EVPL: variants seen among roughly 807,000 people sequenced by gnomAD.
EVPL encodes the protein 210 kDa cornified envelope precursor protein.
Under a neutral mutation model 129.7 loss-of-function variants are expected in EVPL, and 94 were observed. The ratio of observed to expected loss-of-function variants is 0.72; its 90% CI spans 0.61 to 0.86. EVPL has a LOEUF of 0.86. Among genes scored for constraint, EVPL ranks in the 40% least tolerant of loss-of-function variants. The pLI is 0.00. For synonymous variants in EVPL, 1,172 were observed against 1,191.1 expected, an observed-to-expected ratio of 0.98 and a Z score of 0.33; for missense variants, 2,625 against 2,721.1, an observed-to-expected ratio of 0.96 and a Z score of 0.79.
chr17:76,011,366 G>A (rs1040541799), intron 21 of EVPL, among the ~76,000 whole-genome samples: 5 of 152,344 alleles, frequency 3.3e-5, no homozygotes, highest in African/African-American at 1.2e-4. Context: ...ACCCTGGGAT[G>A]GACACCAGCC....
In EVPL at chr17:76,009,308, G is replaced by A. The variant is rs1598230972; in HGVS notation, c.3897C>T (p.Asp1299=). The part of the protein sequence containing the change: ...EQLIRLQGER[D]EWRRERAKVE... ...CCTTGGCCCGCTCGCGCCTCCACTC[G>A]TCGCGCTCACCCTGCAGGCGGATGA... is the stretch of plus-strand genomic sequence containing the variant. The change falls in exon 22 of 22, where the codon GAC becomes GAT. Residue 1299 remains aspartate (D), a synonymous_variant. Coordinates refer to ENST00000301607, the MANE Select transcript of EVPL (RefSeq NM_001988.4). This position sits in a 1 kb window ranked among gnomAD's most constrained non-coding sequence, Gnocchi z 5.9. The A allele has an allele frequency of 4.3e-6, 7 of 1,609,574 alleles. No individual in the cohort carries two copies. In the East Asian group the frequency reaches 8.9e-5, roughly 21 times the overall value.
Position 76,008,273 on chromosome 17 carries a change from G to C in EVPL, c.4932C>G (p.Ala1644=). The C allele has an allele frequency of 6.2e-7, 1 of 1,612,324 alleles. No individual in the cohort carries two copies. Residue 1644 remains alanine, a synonymous_variant, in exon 22 of 22, where the codon GCC becomes GCG. Coordinates refer to ENST00000301607, the MANE Select transcript of EVPL (RefSeq NM_001988.4). The surrounding 1 kb of genome is among the most constrained non-coding windows in gnomAD (Gnocchi z 7.4). ...RGQELSRLEA[A]ILREKDQIYE... ...AGATCTGGTCCTTCTCGCGGAGGAT[G>C]GCCGCCTCCAGCCGCGAGAGCTCCT... is the stretch of plus-strand genomic sequence containing the variant.
chr17:76,010,257 CCCT>C lies in EVPL; in HGVS notation c.2945_2947del (p.Glu982del), dbSNP rs761154867. On this transcript the variant is annotated inframe_deletion, in exon 22 of 22. Transcript: ENST00000301607. Reference sequence around the variant, plus strand: ...TGCCTGCAGGCCAGCCCGCCGCTTGCCCTCCTCCTCCACCTGGGCCTTCACCCT... The same window carrying C: ...TGCCTGCAGGCCAGCCCGCCGCTTGCCCTCCTCCACCTGGGCCTTCACCCT... 3.1e-6 allele frequency: 5 copies of C among 1,613,984 alleles called. No individual in the cohort carries two copies. The highest frequency in any genetic ancestry group is 1.3e-5 in the African/African-American group (1 of 75,048).
chr17:76,015,956 C>A (rs2066416722), intron 14 of EVPL, among the ~76,000 whole-genome samples: 1 of 152,040 alleles, frequency 6.6e-6, no homozygotes, highest in Non-Finnish European at 1.5e-5. Flanking sequence ...CCAGCCTGGC[C>A]AACATGGCGA....
intron 9 of EVPL, among the ~76,000 whole-genome samples, chr17:76,020,460 G>T (rs571057266): frequency 1.3e-5 from 2 of 152,186 alleles, no homozygotes; most frequent in African/African-American, 4.8e-5. Context: ...TCCCAGCCCC[G>T]GAGAAGAAGC....
At chr17:76,016,276 C>A (rs575523269) in intron 14 of EVPL, among the ~76,000 whole-genome samples, 6 of 152,266 alleles carry the variant, frequency 3.9e-5, no homozygotes, top group Non-Finnish European at 8.8e-5. Flanking sequence ...GCTCACAAGA[C>A]CATCAGGTCC....
chr17:76,009,827 A>G lies in EVPL; in HGVS notation c.3378T>C (p.Ala1126=), dbSNP rs368969011. 2 of 1,613,634 alleles carry G rather than the reference A, an allele frequency of 1.2e-6. No individual in the cohort carries two copies. The highest frequency in any genetic ancestry group is 2.7e-5 in the African/African-American group (2 of 74,822). Residue 1126 remains alanine, a synonymous_variant, in exon 22 of 22, where the codon GCT becomes GCC. Transcript: ENST00000301607. The surrounding 1 kb of genome is among the most constrained non-coding windows in gnomAD (Gnocchi z 5.9). ...TGACCTTGGGCTCCACCGAGCTGAT[A>G]GCCCGCTCCAGGTCTTCGATGCGAG... is the stretch of plus-strand genomic sequence containing the variant. ...LQARIEDLER[A]ISSVEPKVIV...
At chr17:76,014,085 G>A (rs1469909369) in intron 18 of EVPL, among the ~76,000 whole-genome samples, 3 of 152,182 alleles carry the variant, frequency 2.0e-5, no homozygotes, top group African/African-American at 2.4e-5. Flanking sequence ...AATGCTTGTC[G>A]GCATCACAGA....
chr17:76,017,971 CCCCACCAGGTG>C, intron 13 of EVPL, 60 bp from the exon 14 acceptor site: 1 of 1,599,220 alleles, frequency 6.3e-7, no homozygotes. Flanking sequence ...AGATAGGTGC[CCCCACCAGGTG>C]CCCACAGAGG....
chr17:76,012,309 C>CTT, intron 18 of EVPL: 2 of 334,478 alleles, frequency 6.0e-6, no homozygotes, highest in South Asian at 4.3e-5. Context: ...CCCTTTCTTT[C>CTT]CTTTTTTTTT....
intron 18 of EVPL, among the ~76,000 whole-genome samples, chr17:76,012,931 A>G (rs1484664649): frequency 7.3e-5 from 11 of 151,442 alleles, no homozygotes; most frequent in Admixed American, 6.6e-4. Context: ...TTTTTAGTAG[A>G]GATGGGGTTT....
At chr17:76,027,041 CT>C in intron 1 of EVPL, 59 bp downstream of exon 1, 1 of 1,052,394 alleles carries the variant, frequency 9.5e-7, no homozygotes, top group East Asian at 2.9e-5. Flanking sequence ...GCTCAAGGAC[CT>C]GGGCCTGGCA....
At chr17:76,011,158 C>T (rs1344657116) in intron 21 of EVPL, among the ~76,000 whole-genome samples, 1 of 152,264 alleles carries the variant, frequency 6.6e-6, no homozygotes, top group Admixed American at 6.5e-5. Context: ...GGGACCCTGA[C>T]TGTGGCCGAG....
chr17:76,027,121 G>T lies in EVPL; in HGVS notation c.78C>A (p.Gly26=). Residue 26 remains glycine (G), a synonymous_variant, in exon 1 of 22, where the codon GGC becomes GGA. Transcript: ENST00000301607. ...CTTACCGGCTGTGCCTGCTGGGGGA[G>T]CCTTTGGGGGACCCCTTGGCGGGGG... ...KGSPAKGSPK[G]SPSRHSRAAT... is the part of the protein sequence containing the mutation. The T allele has an allele frequency of 6.6e-7, 1 of 1,517,394 alleles. No individual in the cohort carries two copies. Among genetic ancestry groups the T allele is most frequent in the Non-Finnish European group, 8.8e-7 (1 of 1,132,712 alleles). The allele number at this position is 1,517,394 out of a possible 1,614,324, so 94.0% of individuals were successfully genotyped here.
intron 9 of EVPL, among the ~76,000 whole-genome samples, chr17:76,020,503 C>T (rs922753668): frequency 2.6e-5 from 4 of 152,140 alleles, no homozygotes; most frequent in Non-Finnish European, 2.9e-5. Flanking sequence ...GGTGCTTTGA[C>T]GGAATTTTTG....
chr17:76,023,187 G>A lies in EVPL; in HGVS notation c.480+105C>T, dbSNP rs957590164. Reference sequence around the variant, plus strand: ...GCTGTCTCTCTGCCCAGACCCCTGAGCCACCCCTACACCCTGACTATTCAA... The same window carrying A: ...GCTGTCTCTCTGCCCAGACCCCTGAACCACCCCTACACCCTGACTATTCAA... On this transcript the variant is annotated intron_variant, in intron 4 of 21. Coordinates refer to ENST00000301607, the MANE Select transcript of EVPL (RefSeq NM_001988.4). 24 of 1,552,256 alleles carry A rather than the reference G, an allele frequency of 1.5e-5. No homozygotes were observed. The African/African-American group carries it at 2.7e-4, about 17-fold the overall frequency.
intron 10 of EVPL, 31 bp downstream of exon 10, chr17:76,019,497 G>T: frequency 1.3e-6 from 2 of 1,531,246 alleles, no homozygotes; most frequent in South Asian, 1.3e-5. Context: ...CCCAGAAGTG[G>T]GGTGCAGACG....
intron 10 of EVPL, 105 bp downstream of exon 10, chr17:76,019,423 C>A: frequency 7.1e-7 from 1 of 1,404,826 alleles, no homozygotes; most frequent in Non-Finnish European, 9.4e-7. Context: ...CAGGCCAGGG[C>A]TTGGGATAGG....
intron 21 of EVPL, 30 bp from the exon 22 acceptor site, chr17:76,010,573 G>T (rs776150423): frequency 1.3e-6 from 2 of 1,583,126 alleles, no homozygotes; most frequent in African/African-American, 2.7e-5. Context: ...TAGAGCACGG[G>T]GTGGGCGGTA....
Sources: gnomAD v4.1 joint callset for allele counts (sites outside exome capture counted in the v4.1 genomes callset) on GRCh38, gnomAD v4.1.1 for gene constraint, Gnocchi (gnomAD v3.1) non-coding constraint, MANE v1.5 for transcripts, NCBI Gene and HGNC (gene_info 2026-07-23, HGNC 2026-07-21) for gene names.